JAKMIP2: variants seen among roughly 807,000 people sequenced by gnomAD.
JAKMIP2 encodes the protein janus kinase and microtubule-interacting protein 2.
JAKMIP2 carries 25 observed loss-of-function variants against 115.0 expected under a neutral mutation model. The observed-to-expected ratio is 0.22, with a 90% CI of 0.16 to 0.30. JAKMIP2 has a LOEUF of 0.30. JAKMIP2 is among the 10% of genes least tolerant of loss of function. The pLI, the probability that JAKMIP2 is intolerant of heterozygous loss-of-function variation, is 1.00. For synonymous variants in JAKMIP2, 334 were observed against 343.6 expected, an observed-to-expected ratio of 0.97 and a Z score of 0.31; for missense variants, 642 against 957.6, an observed-to-expected ratio of 0.67 and a Z score of 4.35.
intron 19 of JAKMIP2, 98 bp from the exon 20 acceptor site, chr5:147,612,469 C>G (rs1756381675): frequency 1.5e-6 from 1 of 652,254 alleles, no homozygotes; most frequent in Non-Finnish European, 2.6e-6. Context: ...CTATACAAAC[C>G]TGAATATTTG....
intron 1 of JAKMIP2, among the ~76,000 whole-genome samples, chr5:147,720,031 T>C (rs1426820325): frequency 6.6e-6 from 1 of 152,058 alleles, no homozygotes; most frequent in Non-Finnish European, 1.5e-5. Flanking sequence ...GGAGCTCTTT[T>C]AGGGCAGGCC....
At position 147,720,079 on chromosome 5, in the gene JAKMIP2, A is replaced by G. The variant is rs866601624; in HGVS notation, c.-148-48125T>C. On this transcript the variant is annotated intron_variant, in intron 1 of 21. Transcript: ENST00000616793. The stretch of plus-strand genomic sequence containing the variant: ...ACTCTCTCAGCATTTGCTTGTCTGT[A>G]AAGTATTTTATTTCTCCTTTGCTTA... Among the ~76,000 whole-genome samples, 73 of 152,162 alleles carry G rather than the reference A, an allele frequency of 4.8e-4. 1 individual carries two copies. Among genetic ancestry groups the G allele is most frequent in the South Asian group, 2.1e-3 (10 of 4,812 alleles).
chr5:147,605,035 C>G lies in JAKMIP2; in HGVS notation c.2413-3224G>C, dbSNP rs559836233. Among the ~76,000 whole-genome samples, 188 of 151,530 alleles carry G rather than the reference C, an allele frequency of 1.2e-3. 3 individuals are homozygous for G. In the East Asian group the frequency reaches 0.032, roughly 26 times the overall value. Reference sequence around the variant, plus strand: ...GTTCCCCAACCTGTGCCCGTATGTTCTCATTGTTCAACTCCCACTTATGAG... The same window carrying G: ...GTTCCCCAACCTGTGCCCGTATGTTGTCATTGTTCAACTCCCACTTATGAG... On this transcript the variant is annotated intron_variant, in intron 20 of 21. Coordinates refer to ENST00000616793, the MANE Select transcript of JAKMIP2 (RefSeq NM_001270941.2).
intron 15 of JAKMIP2, among the ~76,000 whole-genome samples, chr5:147,629,075 G>A (rs1186648489): frequency 6.6e-6 from 1 of 152,130 alleles, no homozygotes; most frequent in Non-Finnish European, 1.5e-5. Flanking sequence ...TAATAGTCAT[G>A]TTATGAGAAA....
chr5:147,739,313 G>A (rs929623968), intron 1 of JAKMIP2, among the ~76,000 whole-genome samples: 2 of 152,048 alleles, frequency 1.3e-5, no homozygotes, highest in African/African-American at 4.8e-5. Context: ...TTTCTCTAGC[G>A]GGTCAAAGAA....
chr5:147,626,809 A>G (rs761272576), intron 16 of JAKMIP2, among the ~76,000 whole-genome samples: 6 of 152,172 alleles, frequency 3.9e-5, no homozygotes, highest in Non-Finnish European at 8.8e-5. Flanking sequence ...CTTCCATAGA[A>G]TCAGCCCATG....
Position 147,753,938 on chromosome 5 carries a change from T to C in JAKMIP2, c.-149+28518A>G, listed in dbSNP as rs116679103. Among the ~76,000 whole-genome samples the C allele has an allele frequency of 4.1e-3, 624 of 152,220 alleles. 12 individuals carry two copies. The highest frequency in any genetic ancestry group is 0.014 in the African/African-American group (592 of 41,524). ...GACCAGAGTGAAACTCCAAATCATA[T>C]TGTCTGAGTGGCTAATGAATTCCTG... On this transcript the variant is annotated intron_variant, in intron 1 of 21. Coordinates refer to ENST00000616793, the MANE Select transcript of JAKMIP2 (RefSeq NM_001270941.2).
At chr5:147,620,565 G>T in intron 18 of JAKMIP2, 101 bp downstream of exon 18, 1 of 697,130 alleles carries the variant, frequency 1.4e-6, no homozygotes. Flanking sequence ...TGCATGTCGT[G>T]ATCTATTCAA....
intron 2 of JAKMIP2, among the ~76,000 whole-genome samples, chr5:147,669,844 C>T (rs977389335): frequency 6.6e-6 from 1 of 152,154 alleles, no homozygotes; most frequent in Non-Finnish European, 1.5e-5. Flanking sequence ...AATTACAAGT[C>T]CTGGTTCTCA....
At chr5:147,697,584 T>G (rs867068377) in intron 1 of JAKMIP2, among the ~76,000 whole-genome samples, 1 of 152,230 alleles carries the variant, frequency 6.6e-6, no homozygotes, top group Non-Finnish European at 1.5e-5. Flanking sequence ...AGGGCCACCC[T>G]GCTGTGTGCA....
At chr5:147,720,618 T>C (rs1270744571) in intron 1 of JAKMIP2, among the ~76,000 whole-genome samples, 4 of 152,118 alleles carry the variant, frequency 2.6e-5, no homozygotes, top group African/African-American at 7.2e-5. Flanking sequence ...ATCGCTGATA[T>C]CCTTTCTTCC....
intron 12 of JAKMIP2, among the ~76,000 whole-genome samples, chr5:147,635,148 C>T (rs891589089): frequency 1.3e-5 from 2 of 151,692 alleles, no homozygotes; most frequent in African/African-American, 4.8e-5. Context: ...TTGCACTCCA[C>T]CCTGGGCAAC....
At chr5:147,620,584 C>A in intron 18 of JAKMIP2, 82 bp downstream of exon 18, 1 of 921,048 alleles carries the variant, frequency 1.1e-6, no homozygotes. Context: ...AAGTACATAG[C>A]ATGGAAAATT....
At chr5:147,763,168 G>A (rs953364231) in intron 1 of JAKMIP2, among the ~76,000 whole-genome samples, 1 of 152,080 alleles carries the variant, frequency 6.6e-6, no homozygotes, top group African/African-American at 2.4e-5. Context: ...ATGAATTTTG[G>A]GGGAGTAGAG....
chr5:147,765,375 C>T (rs373440441), intron 1 of JAKMIP2, among the ~76,000 whole-genome samples: 1 of 152,084 alleles, frequency 6.6e-6, no homozygotes, highest in East Asian at 1.9e-4. Context: ...GTCCACTTGA[C>T]GTGACACCAT....
chr5:147,638,521 T>C (rs17106995), intron 10 of JAKMIP2, among the ~76,000 whole-genome samples: 38,636 of 152,076 alleles, frequency 0.25, 6,482 homozygotes, highest in East Asian at 0.58. Context: ...TGTTCTAAAT[T>C]GGTGTTTTTT....
chr5:147,609,513 T>A (rs1018677214), intron 20 of JAKMIP2, among the ~76,000 whole-genome samples: 5 of 152,212 alleles, frequency 3.3e-5, no homozygotes, highest in African/African-American at 1.2e-4. Flanking sequence ...CCTACTCTCT[T>A]CTGGCTTGTA....
chr5:147,754,512 C>A (rs1217178864), intron 1 of JAKMIP2, among the ~76,000 whole-genome samples: 1 of 152,126 alleles, frequency 6.6e-6, no homozygotes, highest in African/African-American at 2.4e-5. Flanking sequence ...TGAGAGAAGT[C>A]TAGCTTAAGG....
At chr5:147,654,250 G>A (rs545528421) in intron 3 of JAKMIP2, among the ~76,000 whole-genome samples, 17 of 151,332 alleles carry the variant, frequency 1.1e-4, no homozygotes, top group African/African-American at 1.5e-4. Context: ...ATTCTGTGAA[G>A]AATGTCAATG....
Sources: allele counts gnomAD v4.1 joint callset (sites outside exome capture counted in the v4.1 genomes callset), GRCh38; gene constraint gnomAD v4.1.1; transcripts MANE v1.5; gene names NCBI Gene and HGNC (gene_info 2026-07-23, HGNC 2026-07-21).